Variants in ENAH observed in about 807,000 individuals in gnomAD.
ENAH encodes protein enabled homolog.
A neutral mutation model predicts 78.7 loss-of-function variants in ENAH; 23 were observed. That is an observed-to-expected ratio of 0.29 (90% CI 0.21 to 0.41). The LOEUF (loss-of-function observed/expected upper bound fraction) is 0.41. Ranked by LOEUF, ENAH falls within the 10% of genes least tolerant of loss-of-function variation. The pLI, the probability that ENAH is intolerant of heterozygous loss-of-function variation, is 1.00. For missense variants in ENAH, 544 were observed against 691.0 expected, an observed-to-expected ratio of 0.79 and a Z score of 2.39; for synonymous variants, 226 against 241.0, an observed-to-expected ratio of 0.94 and a Z score of 0.58.
rs957517322 is a variant in ENAH at position 225,494,875 on chromosome 1, G to A, written c.*2900C>T. 2 of 152,536 alleles carry A rather than the reference G, an allele frequency of 1.3e-5. No homozygotes were observed. The highest frequency in any genetic ancestry group is 1.5e-5 in the Non-Finnish European group (1 of 67,986). 9.4% of individuals were successfully genotyped at this position (152,536 alleles called of 1,614,324 possible). A position where few individuals can be genotyped will look rare whatever the true frequency, so the allele number is the denominator to read the frequency against. ...AAGTTAGCGTGTAGGAAACTTAAAT[G>A]AAACAAATTTAAACGAAATAGTTAC... On this transcript the variant is annotated 3_prime_UTR_variant, in exon 14 of 14. Transcript: ENST00000366843.
intron 1 of ENAH, among the ~76,000 whole-genome samples, chr1:225,613,083 T>C (rs1462870115): frequency 6.6e-6 from 1 of 152,208 alleles, no homozygotes; most frequent in Non-Finnish European, 1.5e-5. Context: ...CGGACACTAT[T>C]TTCTTCCTAC....
intron 3 of ENAH, among the ~76,000 whole-genome samples, chr1:225,544,081 T>A (rs1034105697): frequency 6.6e-6 from 1 of 152,074 alleles, no homozygotes. Flanking sequence ...CTCATCAGAG[T>A]GGAAGTGGTT....
chr1:225,492,405 A>G lies in ENAH; in HGVS notation c.*5370T>C, dbSNP rs562436676. The G allele has an allele frequency of 1.3e-5, 2 of 152,280 alleles. No homozygotes were observed. The highest frequency in any genetic ancestry group is 3.9e-4 in the East Asian group (2 of 5,180). 9.4% of individuals were successfully genotyped at this position (152,280 alleles called of 1,614,324 possible). ...AATTATATGTCTTTAAAAACTGAGG[A>G]AAAAGAACAGCACTACTCAAATGGT... On this transcript the variant is annotated 3_prime_UTR_variant, in exon 14 of 14. Coordinates refer to ENST00000366843, the MANE Select transcript of ENAH (RefSeq NM_018212.6).
chr1:225,569,536 C>A (rs2096750533), intron 1 of ENAH, among the ~76,000 whole-genome samples: 1 of 152,144 alleles, frequency 6.6e-6, no homozygotes, highest in Admixed American at 6.5e-5. Context: ...GCTAAAGCAA[C>A]ACCTCATTTT....
chr1:225,553,837 TA>T (rs944673566), intron 3 of ENAH, among the ~76,000 whole-genome samples: 3 of 152,208 alleles, frequency 2.0e-5, no homozygotes, highest in African/African-American at 7.2e-5. Flanking sequence ...ATAAGTTATG[TA>T]TTGATATTAA....
chr1:225,571,641 G>A (rs2096763093), intron 1 of ENAH, among the ~76,000 whole-genome samples: 1 of 152,148 alleles, frequency 6.6e-6, no homozygotes, highest in African/African-American at 2.4e-5. Flanking sequence ...TGGAACTCAG[G>A]CCCACACTTC....
intron 1 of ENAH, among the ~76,000 whole-genome samples, chr1:225,601,485 G>C (rs576567842): frequency 1.5e-3 from 231 of 149,938 alleles, no homozygotes; most frequent in Admixed American, 1.8e-3. Context: ...GCCACTGCAC[G>C]CCAGCCTGGG....
intron 3 of ENAH, among the ~76,000 whole-genome samples, chr1:225,548,175 T>G (rs2096624062): frequency 6.6e-6 from 1 of 151,942 alleles, no homozygotes; most frequent in Admixed American, 6.6e-5. Flanking sequence ...CTTTTTTTTT[T>G]TCCTCTAAGT....
At chr1:225,608,118 A>G (rs779586634) in intron 1 of ENAH, among the ~76,000 whole-genome samples, 2 of 151,990 alleles carry the variant, frequency 1.3e-5, no homozygotes, top group Non-Finnish European at 2.9e-5. Context: ...TCCGTGAAAT[A>G]AGAATGATTA....
chr1:225,540,268 T>C (rs891030711), intron 3 of ENAH, among the ~76,000 whole-genome samples: 2 of 152,108 alleles, frequency 1.3e-5, no homozygotes, highest in Non-Finnish European at 2.9e-5. Flanking sequence ...CCCAATTCCA[T>C]AGCGTTCAAG....
chr1:225,544,540 T>C (rs1205450784), intron 3 of ENAH, among the ~76,000 whole-genome samples: 1 of 152,216 alleles, frequency 6.6e-6, no homozygotes, highest in Admixed American at 6.5e-5. Context: ...CTAAAATAAC[T>C]TGCTATGAGA....
rs1663320416 is a variant in ENAH at position 225,652,920 on chromosome 1, C to A, written c.-230G>T. On this transcript the variant is annotated 5_prime_UTR_variant, in exon 1 of 14. Transcript: ENST00000366843. ...AAAGGCTGGGGAGGGGGCGGAGAGG[C>A]CGAGGCGCGGAGCTGGTCCCCAGGC... 5.1e-6 allele frequency: 2 copies of A among 390,058 alleles called. No individual in the cohort carries two copies. The highest frequency in any genetic ancestry group is 2.1e-5 in the African/African-American group (1 of 48,144). 24.2% of individuals were successfully genotyped at this position (390,058 alleles called of 1,614,324 possible). A position where few individuals can be genotyped will look rare whatever the true frequency, so the allele number is the denominator to read the frequency against.
rs138767513 is a variant in ENAH, at chr1:225,626,573, C to T, written c.5+26113G>A. ...AAGCAGAGAGCAGCATTCAACCAAA[C>T]ACTGAATCTCTTGGCAACTTAATAT... On this transcript the variant is annotated intron_variant, in intron 1 of 13. Transcript: ENST00000366843. Among the ~76,000 whole-genome samples the T allele has an allele frequency of 5.4e-4, 82 of 152,356 alleles. 1 individual carries two copies. The highest frequency in any genetic ancestry group is 1.0e-3 in the Admixed American group (16 of 15,304).
chr1:225,555,897 A>G (rs1473892214), intron 2 of ENAH, among the ~76,000 whole-genome samples: 1 of 152,176 alleles, frequency 6.6e-6, no homozygotes, highest in South Asian at 2.1e-4. Context: ...AGGGGTCTTA[A>G]GTATCTTTCA....
At chr1:225,565,941 C>A (rs1280265169) in intron 2 of ENAH, among the ~76,000 whole-genome samples, 1 of 152,152 alleles carries the variant, frequency 6.6e-6, no homozygotes, top group African/African-American at 2.4e-5. Flanking sequence ...CCGAAACCGT[C>A]TGTATAAATG....
upstream of ENAH, among the ~76,000 whole-genome samples, chr1:225,653,454 C>T (rs1346598501): frequency 6.7e-6 from 1 of 149,454 alleles, no homozygotes; most frequent in Admixed American, 6.6e-5. This position sits in a 1 kb window ranked among gnomAD's most constrained non-coding sequence, Gnocchi z 4.3. Flanking sequence ...AGTTGTCGGC[C>T]GGGGTTCCTC....
chr1:225,532,630 A>C (rs2096543467), intron 3 of ENAH, among the ~76,000 whole-genome samples: 1 of 152,142 alleles, frequency 6.6e-6, no homozygotes, highest in Admixed American at 6.6e-5. Flanking sequence ...ATTTTATTTA[A>C]CAGGTTTTTA....
chr1:225,620,034 T>C (rs1271312385), intron 1 of ENAH, among the ~76,000 whole-genome samples: 2 of 152,166 alleles, frequency 1.3e-5, no homozygotes, highest in Non-Finnish European at 2.9e-5. Flanking sequence ...AAGGATACGA[T>C]GCATTAAATG....
At chr1:225,501,273 T>C (rs1316759633) in intron 11 of ENAH, 2 of 470,938 alleles carry the variant, frequency 4.2e-6, no homozygotes, top group Non-Finnish European at 7.5e-6. Flanking sequence ...TTCTTATTTA[T>C]AAAGGAACTA....
Sources: gnomAD v4.1 joint callset for allele counts (sites outside exome capture counted in the v4.1 genomes callset) on GRCh38, gnomAD v4.1.1 for gene constraint, Gnocchi (gnomAD v3.1) non-coding constraint, MANE v1.5 for transcripts, NCBI Gene and HGNC (gene_info 2026-07-23, HGNC 2026-07-21) for gene names.